Variants in TMEM163 observed in about 807,000 individuals in gnomAD.
The protein encoded by TMEM163 is transmembrane protein 163.
Under a neutral mutation model 29.3 loss-of-function variants are expected in TMEM163, and 17 were observed. That is an observed-to-expected ratio of 0.58 (90% CI 0.40 to 0.87). The LOEUF (loss-of-function observed/expected upper bound fraction) is 0.87. Among genes scored for constraint, TMEM163 ranks in the 40% least tolerant of loss-of-function variants. TMEM163 has a pLI of 0.00. For missense variants in TMEM163, 303 were observed against 381.5 expected (o/e 0.79, Z 1.71); for synonymous variants, 157 against 160.6 (o/e 0.98, Z 0.17).
chr2:134,499,128 G>A (rs186167026), intron 5 of TMEM163, among the ~76,000 whole-genome samples: 1 of 152,188 alleles, frequency 6.6e-6, no homozygotes, highest in African/African-American at 2.4e-5. Flanking sequence ...CATCACTGTG[G>A]AATGGTTAAG....
Position 134,718,738 on chromosome 2 carries a change from G to T in TMEM163, c.198C>A (p.Asp66Glu). ...GGTCGGGCAGCTCGCGCTCACCTCG[G>T]TCCTCCAGCCCGTCGCTGAACTGGC... Reference protein sequence around the residue: ...ESGQFSDGLEDRGLLESSTRL... With the variant: ...ESGQFSDGLEERGLLESSTRL... Residue 66 changes from aspartate to glutamate, a missense_variant, in exon 1 of 8, where the codon GAC (aspartate) becomes GAA (glutamate). This residue lies in a region of TMEM163 where 100 missense variants were observed against 87.2 expected (regional missense o/e 1.15). Coordinates refer to ENST00000281924, the MANE Select transcript of TMEM163 (RefSeq NM_030923.5). 1.7e-6 allele frequency: 2 copies of T among 1,156,724 alleles called. No individual in the cohort carries two copies. The highest frequency in any genetic ancestry group is 2.1e-6 in the Non-Finnish European group (2 of 939,880). The allele number at this position is 1,156,724 out of a possible 1,614,324, so 71.7% of individuals were successfully genotyped here. A position where few individuals can be genotyped will look rare whatever the true frequency, so the allele number is the denominator to read the frequency against.
At chr2:134,708,715 T>C (rs1684868475) in intron 2 of TMEM163, among the ~76,000 whole-genome samples, 1 of 152,130 alleles carries the variant, frequency 6.6e-6, no homozygotes, top group Non-Finnish European at 1.5e-5. Context: ...GCCTCCCAAG[T>C]AGCAGAGACT....
In TMEM163 at chr2:134,460,457, T is replaced by G. The variant is rs1184555014; in HGVS notation, c.668-2284A>C. 2.6e-5 allele frequency among the ~76,000 whole-genome samples: 4 copies of G among 152,140 alleles called. 1 individual carries two copies. The highest frequency in any genetic ancestry group is 6.3e-3 in the Middle Eastern group (2 of 316). On this transcript the variant is annotated intron_variant, in intron 6 of 7. Coordinates refer to ENST00000281924, the MANE Select transcript of TMEM163 (RefSeq NM_030923.5). The surrounding 1 kb of genome is among the most constrained non-coding windows in gnomAD (Gnocchi z 4.3). ...CCCTCCTCTCACTGGAAACCTAAGC[T>G]TAAGGACAGGAACTTTGTCTCTCCT... is the stretch of plus-strand genomic sequence containing the variant.
At chr2:134,543,274 T>C (rs1680715723) in intron 4 of TMEM163, among the ~76,000 whole-genome samples, 1 of 152,114 alleles carries the variant, frequency 6.6e-6, no homozygotes. Flanking sequence ...GAGTCTAAAT[T>C]CACACTACTC....
At chr2:134,588,593 G>A (rs2104800378) in intron 2 of TMEM163, among the ~76,000 whole-genome samples, 1 of 152,244 alleles carries the variant, frequency 6.6e-6, no homozygotes, top group African/African-American at 2.4e-5. Flanking sequence ...ACTCTCTCCA[G>A]AGGGACAGTC....
chr2:134,543,096 T>C (rs1157134918), intron 4 of TMEM163, among the ~76,000 whole-genome samples: 5 of 152,136 alleles, frequency 3.3e-5, no homozygotes, highest in African/African-American at 1.2e-4. Context: ...CTTCAACATA[T>C]CTTTTACGGG....
chr2:134,550,796 G>A (rs1574230033), intron 3 of TMEM163, 135 bp from the exon 4 acceptor site: 5 of 815,620 alleles, frequency 6.1e-6, no homozygotes, highest in Admixed American at 2.1e-5. Context: ...CCATCATTAC[G>A]ACGCAGCCAC....
chr2:134,539,412 G>A (rs1008684332), intron 4 of TMEM163, among the ~76,000 whole-genome samples: 9 of 152,198 alleles, frequency 5.9e-5, no homozygotes, highest in African/African-American at 1.7e-4. Context: ...CGCACCCAGC[G>A]GTGCTGACGG....
At chr2:134,712,569 T>C (rs925714769) in intron 2 of TMEM163, among the ~76,000 whole-genome samples, 11 of 152,130 alleles carry the variant, frequency 7.2e-5, no homozygotes, top group Non-Finnish European at 1.3e-4. Context: ...ATAGCACACA[T>C]ACATTTCCAT....
chr2:134,640,302 C>G (rs1356767078), intron 2 of TMEM163, among the ~76,000 whole-genome samples: 4 of 152,100 alleles, frequency 2.6e-5, no homozygotes, highest in African/African-American at 9.7e-5. Context: ...CTTCTCCCCT[C>G]ACGCCCAACC....
chr2:134,517,029 T>A (rs1351295054), intron 4 of TMEM163, among the ~76,000 whole-genome samples: 1 of 152,110 alleles, frequency 6.6e-6, no homozygotes, highest in Non-Finnish European at 1.5e-5. Flanking sequence ...CAACTCCTTA[T>A]CATGCTGACT....
chr2:134,590,723 C>T (rs1294813924), intron 2 of TMEM163, among the ~76,000 whole-genome samples: 1 of 151,782 alleles, frequency 6.6e-6, no homozygotes, highest in Admixed American at 6.6e-5. Flanking sequence ...ATTATTCATG[C>T]CTCCCTTTTT....
At chr2:134,498,792 A>G (rs544230181) in intron 5 of TMEM163, among the ~76,000 whole-genome samples, 1 of 152,344 alleles carries the variant, frequency 6.6e-6, no homozygotes, top group South Asian at 2.1e-4. Context: ...CTGCTTTGGG[A>G]CAGCCCTCGG....
chr2:134,479,821 C>A (rs1167722893), intron 5 of TMEM163, among the ~76,000 whole-genome samples: 1 of 152,218 alleles, frequency 6.6e-6, no homozygotes, highest in Non-Finnish European at 1.5e-5. Flanking sequence ...AGGCCTGATG[C>A]TACCCACCCT....
intron 5 of TMEM163, among the ~76,000 whole-genome samples, chr2:134,498,584 G>A (rs1018192933): frequency 3.3e-5 from 5 of 151,960 alleles, no homozygotes; most frequent in Admixed American, 2.6e-4. Context: ...CGCCTGTCTC[G>A]GCCTCCCAAA....
At chr2:134,510,446 T>C (rs1278190342) in intron 4 of TMEM163, among the ~76,000 whole-genome samples, 1 of 151,944 alleles carries the variant, frequency 6.6e-6, no homozygotes, top group Non-Finnish European at 1.5e-5. Flanking sequence ...CAGCTGGGAT[T>C]GGGAAGGCTG....
intron 2 of TMEM163, among the ~76,000 whole-genome samples, chr2:134,668,482 C>T (rs1683917121): frequency 6.6e-6 from 1 of 152,064 alleles, no homozygotes; most frequent in South Asian, 2.1e-4. Context: ...GGGGTCTTTA[C>T]TGCCATTTCT....
intron 4 of TMEM163, among the ~76,000 whole-genome samples, chr2:134,519,952 T>TG (rs1680159625): frequency 1.3e-5 from 2 of 149,900 alleles, no homozygotes; most frequent in African/African-American, 4.9e-5. Flanking sequence ...CAGATGAATG[T>TG]GGGGGAGGGA....
At chr2:134,493,669 G>A (rs1208661905) in intron 5 of TMEM163, among the ~76,000 whole-genome samples, 5 of 152,272 alleles carry the variant, frequency 3.3e-5, no homozygotes, top group Middle Eastern at 3.4e-3. Context: ...ACTGCGCCCA[G>A]CCTTTTGGTG....
Sources: gnomAD v4.1 joint callset for allele counts (sites outside exome capture counted in the v4.1 genomes callset) on GRCh38, gnomAD v4.1.1 for gene constraint, gnomAD v4.1.1 regional missense constraint, Gnocchi (gnomAD v3.1) non-coding constraint, MANE v1.5 for transcripts, NCBI Gene and HGNC (gene_info 2026-07-23, HGNC 2026-07-21) for gene names.